Variants in TUBGCP5 observed in about 807,000 individuals in gnomAD.
TUBGCP5 encodes the protein tubulin gamma complex component 5.
TUBGCP5 carries 98 observed loss-of-function variants against 134.7 expected under a neutral mutation model. The ratio of observed to expected loss-of-function variants is 0.73; its 90% CI spans 0.62 to 0.86. The LOEUF (loss-of-function observed/expected upper bound fraction) is 0.86, where lower values mean the gene tolerates loss of function less well. Ranked by LOEUF, TUBGCP5 falls within the 40% of genes least tolerant of loss-of-function variation. TUBGCP5 has a pLI of 0.00. For synonymous variants in TUBGCP5, 456 were observed against 431.4 expected, an observed-to-expected ratio of 1.06 and a Z score of -0.71; for missense variants, 1,150 against 1,244.8, an observed-to-expected ratio of 0.92 and a Z score of 1.15.
Position 23,022,050 on chromosome 15 carries a change from G to A in TUBGCP5, c.1280C>T (p.Thr427Ile), listed in dbSNP as rs2065732690. The A allele has an allele frequency of 1.2e-6, 2 of 1,614,162 alleles. No individual in the cohort carries two copies. The highest frequency in any genetic ancestry group is 1.6e-4 in the Middle Eastern group (1 of 6,062). Residue 427 changes from threonine to isoleucine, a missense_variant, in exon 11 of 23, where the codon ACT (threonine) becomes ATT (isoleucine). Transcript: ENST00000615383. ...GTGAGAGGCCCGGACGACATTTCGA[G>A]TATCAGGTGGAACTTCTGCTACTCC... ...STGVAEVPPD[T>I]RNVVRASHLL...
At chr15:23,037,175 C>T (rs566044934) in intron 1 of TUBGCP5, 23 bp from the exon 2 acceptor site, 1 of 1,610,006 alleles carries the variant, frequency 6.2e-7, no homozygotes, top group South Asian at 1.1e-5. Flanking sequence ...AAATGCAATT[C>T]TTATGCCAAC....
intron 10 of TUBGCP5, among the ~76,000 whole-genome samples, chr15:23,022,687 TGG>T (rs1452871102): frequency 6.6e-6 from 1 of 152,218 alleles, no homozygotes; most frequent in Non-Finnish European, 1.5e-5. Flanking sequence ...CCTGCGACAC[TGG>T]TGAAACCATG....
intron 23 of TUBGCP5, among the ~76,000 whole-genome samples, chr15:22,988,599 G>A (rs1010208593): frequency 2.0e-5 from 3 of 151,460 alleles, no homozygotes; most frequent in East Asian, 2.0e-4. Context: ...AGCCGGGCGT[G>A]GTGGTGGGTG....
chr15:22,997,329 G>C (rs563541605), downstream of TUBGCP5, among the ~76,000 whole-genome samples: 4 of 151,712 alleles, frequency 2.6e-5, no homozygotes, highest in South Asian at 8.4e-4. Flanking sequence ...ACAGGTGTGC[G>C]CCACCACGCC....
At chr15:23,003,499 G>T (rs182650954) in intron 20 of TUBGCP5, among the ~76,000 whole-genome samples, 23 of 152,258 alleles carry the variant, frequency 1.5e-4, no homozygotes, top group Admixed American at 1.5e-3. Flanking sequence ...AAGTGGACAT[G>T]CTATTGCTCC....
chr15:23,016,969 G>T lies in TUBGCP5; in HGVS notation c.1756+804C>A, dbSNP rs866221750. 1.3e-3 allele frequency among the ~76,000 whole-genome samples: 142 copies of T among 109,398 alleles called. 4 individuals are homozygous for T. In the Middle Eastern group the frequency reaches 0.022, roughly 17 times the overall value. 71.8% of individuals were successfully genotyped at this position (109,398 alleles called of 152,430 possible). ...AGATGAATGGGTAAAAAAATTGTGA[G>T]ATATATATATATATATATGTATATA... is the stretch of plus-strand genomic sequence containing the variant. On this transcript the variant is annotated intron_variant, in intron 13 of 22. Transcript: ENST00000615383.
At chr15:23,035,315 G>A (rs10152252) in intron 3 of TUBGCP5, among the ~76,000 whole-genome samples, 6,554 of 137,730 alleles carry the variant, frequency 0.048, 387 homozygotes, top group African/African-American at 0.16. Context: ...GGGTGACAAA[G>A]TGACACTCAG....
chr15:22,995,146 A>C (rs2064009236), downstream of TUBGCP5, among the ~76,000 whole-genome samples: 1 of 152,094 alleles, frequency 6.6e-6, no homozygotes, highest in South Asian at 2.1e-4. Flanking sequence ...CAGGAGACTA[A>C]GGCAGGAGAA....
At chr15:23,004,358 T>C in intron 19 of TUBGCP5, 131 bp from the exon 20 acceptor site, 1 of 1,084,164 alleles carries the variant, frequency 9.2e-7, no homozygotes, top group South Asian at 1.6e-5. Flanking sequence ...CTAGACAGTT[T>C]CATAAAGTAC....
intron 12 of TUBGCP5, among the ~76,000 whole-genome samples, chr15:23,018,344 G>A (rs1439025020): frequency 6.6e-6 from 1 of 152,204 alleles, no homozygotes; most frequent in East Asian, 1.9e-4. Flanking sequence ...ACCATCTGCT[G>A]TGAAACTAAT....
In TUBGCP5 at chr15:22,992,497, T is replaced by C. The variant is rs537713406; in HGVS notation, c.*61+4348A>G. 5.3e-5 allele frequency among the ~76,000 whole-genome samples: 8 copies of C among 152,212 alleles called. No homozygotes were observed. In the South Asian group the frequency reaches 1.5e-3, roughly 28 times the overall value. On this transcript the variant is annotated intron_variant and NMD_transcript_variant, in intron 23 of 23. Coordinates refer to the TUBGCP5 transcript ENST00000614508. ...ATATATATACACACATATATATGTA[T>C]GTATATGTGTGTCACACACACACAT... is the stretch of plus-strand genomic sequence containing the variant.
downstream of TUBGCP5, among the ~76,000 whole-genome samples, chr15:22,997,734 C>T (rs1361685185): frequency 6.6e-6 from 1 of 151,848 alleles, no homozygotes; most frequent in African/African-American, 2.4e-5. Context: ...TCTCTGGCCT[C>T]AGCCTCCTGA....
chr15:23,030,529 G>A (rs1341004891), intron 6 of TUBGCP5, among the ~76,000 whole-genome samples: 2 of 147,220 alleles, frequency 1.4e-5, no homozygotes, highest in African/African-American at 2.5e-5. Context: ...TTTTTTTTGA[G>A]ACAGGGTCTC....
At position 23,008,646 on chromosome 15, in the gene TUBGCP5, G is replaced by A. The variant is rs1184817213; in HGVS notation, c.2327+53C>T. 3.9e-5 allele frequency: 60 copies of A among 1,549,198 alleles called. 1 individual carries two copies. Among genetic ancestry groups the A allele is most frequent in the Non-Finnish European group, 5.3e-5 (60 of 1,128,444 alleles). ...ATGTGTAATTCATAGAAGACTTACT[G>A]GCACATAGTTCATGTTACACTAATT... On this transcript the variant is annotated intron_variant, in intron 16 of 22. Coordinates refer to ENST00000615383, the MANE Select transcript of TUBGCP5 (RefSeq NM_052903.6).
rs1361537073 is a variant in TUBGCP5, at chr15:23,022,065, TCTG to T, written c.1262_1264del (p.Ala421del). The T allele has an allele frequency of 1.9e-6, 3 of 1,614,168 alleles. No homozygotes were observed. The highest frequency in any genetic ancestry group is 2.5e-6 in the Non-Finnish European group (3 of 1,179,992). On this transcript the variant is annotated inframe_deletion, in exon 11 of 23. Coordinates refer to ENST00000615383, the MANE Select transcript of TUBGCP5 (RefSeq NM_052903.6). ...GACATTTCGAGTATCAGGTGGAACT[TCTG>T]CTACTCCAGTACTAAACACTTTGTG...
chr15:23,023,506 T>C lies in TUBGCP5; in HGVS notation c.1168+441A>G, dbSNP rs150501182. The C allele has an allele frequency of 4.9e-3, 789 of 160,664 alleles. 3 individuals are homozygous for C. Among genetic ancestry groups the C allele is most frequent in the Middle Eastern group, 0.039 (12 of 306 alleles). 10.0% of individuals were successfully genotyped at this position (160,664 alleles called of 1,614,324 possible). Reference sequence around the variant, plus strand: ...CACGACCATATGATGAAACACTCAATTTGTAAAAAGGAAAACAGAAGCTCT... The same window carrying C: ...CACGACCATATGATGAAACACTCAACTTGTAAAAAGGAAAACAGAAGCTCT... On this transcript the variant is annotated intron_variant, in intron 10 of 22. Transcript: ENST00000615383.
At position 23,026,269 on chromosome 15, in the gene TUBGCP5, A is replaced by G. The variant is rs1017419688; in HGVS notation, c.738-64T>C. ...CTAAGTAAGTAAATAACTTATCTCA[A>G]AGAATATCTGCAATTTAGTGCTAAC... On this transcript the variant is annotated intron_variant, in intron 7 of 22. Transcript: ENST00000615383. 2.8e-6 allele frequency: 4 copies of G among 1,421,852 alleles called. No homozygotes were observed. In the Admixed American group the frequency reaches 6.9e-5, roughly 24 times the overall value. 88.1% of individuals were successfully genotyped at this position (1,421,852 alleles called of 1,614,324 possible). A position where few individuals can be genotyped will look rare whatever the true frequency, so the allele number is the denominator to read the frequency against.
chr15:22,988,732 T>C (rs1361344421), intron 23 of TUBGCP5, among the ~76,000 whole-genome samples: 5 of 12,780 alleles, frequency 3.9e-4, no homozygotes, highest in African/African-American at 1.7e-3. Flanking sequence ...CGAGACTCCG[T>C]CTCAAAAAAA....
chr15:22,983,640 C>T (rs1259049935), intron 23 of TUBGCP5: 1 of 151,948 alleles, frequency 6.6e-6, no homozygotes, highest in Non-Finnish European at 1.5e-5. Context: ...ATAAATTAGA[C>T]ACAGTAAGAC....
Sources: gnomAD v4.1 joint callset for allele counts (sites outside exome capture counted in the v4.1 genomes callset) on GRCh38, gnomAD v4.1.1 for gene constraint, MANE v1.5 for transcripts, NCBI Gene and HGNC (gene_info 2026-07-23, HGNC 2026-07-21) for gene names.